ABCA13: variants seen among roughly 807,000 people sequenced by gnomAD.
ABCA13 encodes the protein ATP-binding cassette sub-family A member 13.
ABCA13 carries 476 observed loss-of-function variants against 478.7 expected under a neutral mutation model. That is an observed-to-expected ratio of 0.99 (90% CI 0.92 to 1.07). The LOEUF (loss-of-function observed/expected upper bound fraction) is 1.07. ABCA13 is among the 50% of genes least tolerant of loss of function. ABCA13 has a pLI of 0.00. For missense variants in ABCA13, 6,060 were observed against 5,910.6 expected (o/e 1.03, Z -0.83); for synonymous variants, 2,252 against 2,158.9 (o/e 1.04, Z -1.20).
Position 48,455,027 on chromosome 7 carries a change from C to A in ABCA13, c.12566-10C>A. The A allele has an allele frequency of 6.7e-7, 1 of 1,489,836 alleles. No individual in the cohort carries two copies. Among genetic ancestry groups the A allele is most frequent in the South Asian group, 1.3e-5 (1 of 76,198 alleles). 92.3% of individuals were successfully genotyped at this position (1,489,836 alleles called of 1,614,324 possible). On this transcript the variant is annotated splice_polypyrimidine_tract_variant and intron_variant, in intron 42 of 61. Coordinates refer to ENST00000435803, the MANE Select transcript of ABCA13 (RefSeq NM_152701.5). ...TGACCCAGCCGCCCTTCCTCCCGCC[C>A]GTCCTGCAGGTGGCTCCCTAGCACG...
At chr7:48,509,942 G>T (rs907432796) in intron 50 of ABCA13, among the ~76,000 whole-genome samples, 7 of 152,190 alleles carry the variant, frequency 4.6e-5, no homozygotes, top group South Asian at 2.1e-4. Context: ...GCTGGCCCTC[G>T]CCAGTCACCG....
chr7:48,287,916 G>A lies in ABCA13; in HGVS notation c.8837-44G>A, dbSNP rs1308681347. 10 of 1,485,532 alleles carry A rather than the reference G, an allele frequency of 6.7e-6. No homozygotes were observed. In the African/African-American group the frequency reaches 6.9e-5, roughly 10 times the overall value. 92.0% of individuals were successfully genotyped at this position (1,485,532 alleles called of 1,614,324 possible). ...TTTTGTGAGAGTGGCTAGTTCAGGA[G>A]AGGACTGTCTATTAATTATTTCTCT... is the stretch of plus-strand genomic sequence containing the variant. On this transcript the variant is annotated intron_variant, in intron 19 of 61. Coordinates refer to ENST00000435803, the MANE Select transcript of ABCA13 (RefSeq NM_152701.5).
At chr7:48,206,679 T>C (rs971596975) in intron 3 of ABCA13, among the ~76,000 whole-genome samples, 1 of 152,172 alleles carries the variant, frequency 6.6e-6, no homozygotes, top group Admixed American at 6.5e-5. Flanking sequence ...ATACTAGTTT[T>C]ATATATCTCT....
intron 15 of ABCA13, among the ~76,000 whole-genome samples, chr7:48,252,788 G>C (rs1584452552): frequency 6.6e-6 from 1 of 152,108 alleles, no homozygotes; most frequent in Non-Finnish European, 1.5e-5. Context: ...AAGTAAGTCA[G>C]AGGCCTGCAT....
chr7:48,369,981 A>G lies in ABCA13; in HGVS notation c.10803+2073A>G, dbSNP rs538498130. Among the ~76,000 whole-genome samples, 3 of 152,204 alleles carry G rather than the reference A, an allele frequency of 2.0e-5. No individual in the cohort carries two copies. In the South Asian group the frequency reaches 6.2e-4, roughly 32 times the overall value. ...CATTGAATTGCAGATTGCTTTTGGC[A>G]GTATGGTCATTTTCACAATATTGAT... On this transcript the variant is annotated intron_variant, in intron 32 of 61. Transcript: ENST00000435803.
intron 38 of ABCA13, among the ~76,000 whole-genome samples, chr7:48,403,069 G>A (rs1342449273): frequency 6.6e-6 from 1 of 152,228 alleles, no homozygotes; most frequent in Non-Finnish European, 1.5e-5. Flanking sequence ...CATGGGGAAG[G>A]CTTTGCACTG....
chr7:48,442,198 G>A (rs1415670032), intron 42 of ABCA13, among the ~76,000 whole-genome samples: 2 of 152,172 alleles, frequency 1.3e-5, no homozygotes, highest in African/African-American at 4.8e-5. Flanking sequence ...ATGTGTAAGC[G>A]CTTCAAGAAA....
chr7:48,237,989 G>A (rs1269274900), intron 8 of ABCA13, among the ~76,000 whole-genome samples: 3 of 152,226 alleles, frequency 2.0e-5, no homozygotes, highest in Non-Finnish European at 4.4e-5. Context: ...TGCTTTGACA[G>A]TCACAGGTTA....
chr7:48,343,183 A>G (rs1406091518), intron 29 of ABCA13, among the ~76,000 whole-genome samples: 6 of 152,156 alleles, frequency 3.9e-5, no homozygotes, highest in African/African-American at 1.2e-4. Flanking sequence ...TATAAATGGA[A>G]AATTGTAGAA....
In ABCA13 at chr7:48,643,315, T is replaced by C. The variant is rs1169362638; in HGVS notation, c.14865T>C (p.Val4955=). The change falls in exon 60 of 62, where the codon GTT becomes GTC. Residue 4955 remains valine, a synonymous_variant. Coordinates refer to ENST00000435803, the MANE Select transcript of ABCA13 (RefSeq NM_152701.5). ...NRFGDGYTVK[V]WLCKEANQHC... is the part of the protein sequence containing the mutation. ...TTGGTGATGGTTATACAGTCAAAGT[T>C]TGGCTCTGTAAGGAAGCAAATCAAC... The C allele has an allele frequency of 1.2e-6, 2 of 1,612,096 alleles. No individual in the cohort carries two copies. The highest frequency in any genetic ancestry group is 1.7e-5 in the Admixed American group (1 of 59,826).
chr7:48,262,983 G>A (rs140440905), intron 15 of ABCA13, among the ~76,000 whole-genome samples: 9 of 152,040 alleles, frequency 5.9e-5, no homozygotes, highest in Non-Finnish European at 1.3e-4. Context: ...CATGGGTAAG[G>A]TGAGATGAAT....
intron 58 of ABCA13, among the ~76,000 whole-genome samples, chr7:48,608,305 T>G (rs1255928682): frequency 6.6e-6 from 1 of 152,240 alleles, no homozygotes; most frequent in Non-Finnish European, 1.5e-5. Flanking sequence ...TCTTTGCAAA[T>G]GTATCTGTGT....
At chr7:48,544,464 A>C (rs1010387426) in intron 55 of ABCA13, among the ~76,000 whole-genome samples, 3 of 151,676 alleles carry the variant, frequency 2.0e-5, no homozygotes, top group African/African-American at 7.3e-5. Context: ...TGAGACGCTG[A>C]AGGTTAAGTT....
At chr7:48,365,056 A>C (rs867496289) in intron 31 of ABCA13, among the ~76,000 whole-genome samples, 79 of 152,122 alleles carry the variant, frequency 5.2e-4, no homozygotes, top group African/African-American at 1.9e-3. Flanking sequence ...CTTTTCTCCA[A>C]ATCCCTGCCA....
Position 48,628,037 on chromosome 7 carries a change from A to G in ABCA13, c.14837+12660A>G, listed in dbSNP as rs1278718888. Among the ~76,000 whole-genome samples, 6 of 152,234 alleles carry G rather than the reference A, an allele frequency of 3.9e-5. No individual in the cohort carries two copies. In the East Asian group the frequency reaches 9.7e-4, roughly 25 times the overall value. The stretch of plus-strand genomic sequence containing the variant: ...TGAGGAATTGAGGTTCTGATACCTG[A>G]ACTTCGGGGGGACACGCTCAAACCG... On this transcript the variant is annotated intron_variant, in intron 59 of 61. Coordinates refer to ENST00000435803, the MANE Select transcript of ABCA13 (RefSeq NM_152701.5).
At chr7:48,645,007 T>A (rs535244033) in intron 61 of ABCA13, among the ~76,000 whole-genome samples, 1 of 152,312 alleles carries the variant, frequency 6.6e-6, no homozygotes, top group Admixed American at 6.5e-5. Context: ...AATTAAATCA[T>A]GTCACGTTAA....
intron 42 of ABCA13, among the ~76,000 whole-genome samples, chr7:48,433,086 C>T (rs1361341162): frequency 1.3e-5 from 2 of 151,010 alleles, no homozygotes; most frequent in African/African-American, 4.9e-5. Flanking sequence ...TTTTATTTGT[C>T]AACTATAATA....
chr7:48,333,952 G>A (rs1805810345), intron 27 of ABCA13, among the ~76,000 whole-genome samples: 1 of 152,136 alleles, frequency 6.6e-6, no homozygotes, highest in South Asian at 2.1e-4. Flanking sequence ...CATTTGCCTG[G>A]CTATTCATTA....
At chr7:48,403,535 A>T in intron 38 of ABCA13, 148 bp from the exon 39 acceptor site, 1 of 778,552 alleles carries the variant, frequency 1.3e-6, no homozygotes, top group East Asian at 2.8e-5. Flanking sequence ...CTCTGGTGAG[A>T]CTCACGTGTG....
Sources: gnomAD v4.1 joint callset for allele counts (sites outside exome capture counted in the v4.1 genomes callset) on GRCh38, gnomAD v4.1.1 for gene constraint, MANE v1.5 for transcripts, NCBI Gene and HGNC (gene_info 2026-07-23, HGNC 2026-07-21) for gene names.